The following DBF4 variants were observed in gnomAD, a reference collection of about 807,000 sequenced individuals.
The protein encoded by DBF4 is protein DBF4 homolog A.
Under a neutral mutation model 76.6 loss-of-function variants are expected in DBF4, and 25 were observed. The ratio of observed to expected loss-of-function variants is 0.33; its 90% confidence interval spans 0.24 to 0.46. The LOEUF (loss-of-function observed/expected upper bound fraction) is 0.46, where lower values mean the gene tolerates loss of function less well. DBF4 is among the 20% of genes least tolerant of loss of function. The pLI is 1.00. For missense variants in DBF4, 638 were observed against 760.8 expected (o/e 0.84, Z 1.90); for synonymous variants, 213 against 258.0 (o/e 0.83, Z 1.67).
intron 8 of DBF4, 146 bp from the exon 9 acceptor site, chr7:87,900,075 G>T: frequency 1.6e-6 from 1 of 642,694 alleles, no homozygotes. Context: ...AAAATTGTTA[G>T]GCCTGAAATT....
chr7:87,895,603 C>T (rs998943691), intron 6 of DBF4, among the ~76,000 whole-genome samples: 1 of 152,002 alleles, frequency 6.6e-6, no homozygotes, highest in African/African-American at 2.4e-5. Context: ...TGCTATGCTG[C>T]GTTGGGTCTA....
At chr7:87,905,237 T>C (rs1316619070) in intron 11 of DBF4, among the ~76,000 whole-genome samples, 1 of 152,222 alleles carries the variant, frequency 6.6e-6, no homozygotes, top group East Asian at 1.9e-4. Flanking sequence ...CTAATTAGCT[T>C]AGCTTTTTTG....
At chr7:87,907,135 ATTTGT>A in intron 11 of DBF4, 48 bp from the exon 12 acceptor site, 2 of 1,428,156 alleles carry the variant, frequency 1.4e-6, no homozygotes, top group Non-Finnish European at 1.9e-6. Context: ...CTACTCAGGA[ATTTGT>A]TTTGATAGCA....
At chr7:87,881,373 A>G (rs1839210509) in intron 2 of DBF4, among the ~76,000 whole-genome samples, 2 of 152,226 alleles carry the variant, frequency 1.3e-5, no homozygotes, top group South Asian at 2.1e-4. Context: ...GTGCCACTGC[A>G]CTCCACCTGG....
rs537992531 is a variant in DBF4 at position 87,899,055 on chromosome 7, G to A, written c.681-1166G>A. The stretch of plus-strand genomic sequence containing the variant: ...CTAGATATACACATGCAAAAGAATG[G>A]CATTAGACTCCTACCTCACATCATG... On this transcript the variant is annotated intron_variant, in intron 8 of 11. Transcript: ENST00000265728. 1.4e-4 allele frequency among the ~76,000 whole-genome samples: 21 copies of A among 152,138 alleles called. No individual in the cohort carries two copies. The South Asian group carries it at 4.2e-3, about 30-fold the overall frequency.
chr7:87,879,951 C>CA (rs78858917), intron 2 of DBF4, among the ~76,000 whole-genome samples: 18,540 of 100,170 alleles, frequency 0.19, 1,897 homozygotes, highest in African/African-American at 0.36. Flanking sequence ...ACCCTATGTC[C>CA]AAAAAAAAAA....
At chr7:87,902,957 C>G (rs867539642) in intron 10 of DBF4, among the ~76,000 whole-genome samples, 14 of 152,198 alleles carry the variant, frequency 9.2e-5, no homozygotes, top group African/African-American at 3.1e-4. Context: ...CCCTGATCAG[C>G]TGACAGACAA....
At chr7:87,891,965 T>G (rs1479264568) in intron 6 of DBF4, among the ~76,000 whole-genome samples, 2 of 152,202 alleles carry the variant, frequency 1.3e-5, no homozygotes, top group African/African-American at 4.8e-5. Context: ...ATAGACTTTA[T>G]TTTTTTAGAG....
At chr7:87,898,210 C>T (rs748908330) in intron 8 of DBF4, among the ~76,000 whole-genome samples, 47 of 152,094 alleles carry the variant, frequency 3.1e-4, no homozygotes, top group Admixed American at 1.0e-3. Context: ...CACACTGAGG[C>T]GACAAAAGTG....
chr7:87,903,145 C>T (rs1839829891), intron 10 of DBF4, among the ~76,000 whole-genome samples: 1 of 152,170 alleles, frequency 6.6e-6, no homozygotes, highest in African/African-American at 2.4e-5. Context: ...TGCAGTGGTG[C>T]AATCTCAGCT....
chr7:87,905,439 G>GC lies in DBF4; in HGVS notation c.1049+1027dup, dbSNP rs553917340. On this transcript the variant is annotated intron_variant, in intron 11 of 11. Transcript: ENST00000265728. Reference sequence around the variant, plus strand: ...AGTTTTAAGAAAACTTCCTCCACTTGCCCCTTAGGTCTTTATATTTCACTA... The same window carrying GC: ...AGTTTTAAGAAAACTTCCTCCACTTGCCCCCTTAGGTCTTTATATTTCACTA... Among the ~76,000 whole-genome samples the GC allele has an allele frequency of 8.6e-3, 1,305 of 152,208 alleles. 17 individuals carry two copies. The highest frequency in any genetic ancestry group is 0.048 in the Middle Eastern group (14 of 292).
At chr7:87,881,802 G>A (rs577926791) in intron 2 of DBF4, among the ~76,000 whole-genome samples, 1 of 152,194 alleles carries the variant, frequency 6.6e-6, no homozygotes, top group African/African-American at 2.4e-5. Context: ...TGTAGAAATT[G>A]CTATTAGAAC....
intron 4 of DBF4, 22 bp from the exon 5 acceptor site, chr7:87,887,307 C>A (rs1164024908): frequency 1.4e-6 from 2 of 1,459,348 alleles, no homozygotes; most frequent in Non-Finnish European, 1.9e-6. Context: ...CTAGAACAAC[C>A]ATAAAACTTT....
At position 87,888,351 on chromosome 7, in the gene DBF4, T is replaced by A. The variant is rs554142736; in HGVS notation, c.597+292T>A. ...AGAAAAATCACTAAAATCAGCCTGT[T>A]GTATAAACGTTCCTAATGTAAGTAA... On this transcript the variant is annotated intron_variant, in intron 6 of 11. Transcript: ENST00000265728. The A allele has an allele frequency of 1.5e-5, 15 of 971,570 alleles. No individual in the cohort carries two copies. The East Asian group carries it at 3.4e-4, about 22-fold the overall frequency. The allele number at this position is 971,570 out of a possible 1,614,324, so 60.2% of individuals were successfully genotyped here.
chr7:87,878,487 A>T (rs185605482), intron 2 of DBF4: 5 of 299,470 alleles, frequency 1.7e-5, no homozygotes, highest in African/African-American at 1.1e-4. Flanking sequence ...CTGCTCATTG[A>T]CTGCTTACTG....
At chr7:87,900,397 C>G in intron 9 of DBF4, 48 bp downstream of exon 9, 2 of 1,542,516 alleles carry the variant, frequency 1.3e-6, no homozygotes, top group African/African-American at 2.9e-5. Context: ...AATTTCATCT[C>G]AATTTTTCTT....
In DBF4 at chr7:87,899,701, G is replaced by C. The variant is rs1047608444; in HGVS notation, c.681-520G>C. ...ATGGAATATTACTCAGCCTTTAAAA[G>C]GAATGAAATTCTGACACGTGCAACA... On this transcript the variant is annotated intron_variant, in intron 8 of 11. Coordinates refer to ENST00000265728, the MANE Select transcript of DBF4 (RefSeq NM_006716.4). Among the ~76,000 whole-genome samples the C allele has an allele frequency of 9.2e-5, 14 of 152,310 alleles. No homozygotes were observed. The East Asian group carries it at 2.7e-3, about 29-fold the overall frequency.
Position 87,876,654 on chromosome 7 carries a change from G to A in DBF4, c.-79G>A, listed in dbSNP as rs11546323. On this transcript the variant is annotated 5_prime_UTR_variant, in exon 1 of 12. Transcript: ENST00000265728. ...AGAGAGGCGGCCGTCCTGTCAACAG[G>A]CCGGGGGAAGCCGTGCTTTCGCGGC... The A allele has an allele frequency of 6.5e-7, 1 of 1,535,824 alleles. No individual in the cohort carries two copies. Among genetic ancestry groups the A allele is most frequent in the Non-Finnish European group, 8.9e-7 (1 of 1,121,022 alleles).
intron 2 of DBF4, among the ~76,000 whole-genome samples, chr7:87,884,258 A>T (rs1383956559): frequency 6.6e-6 from 1 of 152,198 alleles, no homozygotes; most frequent in African/African-American, 2.4e-5. Flanking sequence ...TAGGCGCAGT[A>T]GTGTGTGCCT....
Sources: gnomAD v4.1 joint callset for allele counts (sites outside exome capture counted in the v4.1 genomes callset) on GRCh38, gnomAD v4.1.1 for gene constraint, MANE v1.5 for transcripts, NCBI Gene and HGNC (gene_info 2026-07-23, HGNC 2026-07-21) for gene names.